The following INHBC variants were observed in gnomAD, a reference collection of about 807,000 sequenced individuals.
INHBC encodes inhibin beta C chain.
In INHBC, 10 loss-of-function variants were observed where a neutral mutation model predicts 12.4. The observed-to-expected ratio is 0.81, with a 90% CI of 0.50 to 1.37. The LOEUF (loss-of-function observed/expected upper bound fraction) is 1.37. INHBC is among the 40% of genes most tolerant of loss of function. The probability of loss-of-function intolerance (pLI) is 0.00; values close to 1 mark genes in which losing one functional copy is unlikely to be tolerated. For missense variants in INHBC, 382 were observed against 439.4 expected, an observed-to-expected ratio of 0.87 and a Z score of 1.17; for synonymous variants, 147 against 171.6, an observed-to-expected ratio of 0.86 and a Z score of 1.12.
intron 1 of INHBC, among the ~76,000 whole-genome samples, chr12:57,438,152 T>C (rs1392252541): frequency 6.6e-6 from 1 of 152,188 alleles, no homozygotes; most frequent in East Asian, 1.9e-4. Context: ...TGCTCAGCCA[T>C]TTATTAGCTG....
rs144823230 is a variant in INHBC, at chr12:57,447,466, T to C, written c.314-1811T>C. On this transcript the variant is annotated intron_variant, in intron 1 of 1. Transcript: ENST00000309668. ...TCCCAAAGTGCTGGGATTACAGACG[T>C]GAGCCACCACGCCTAGCTGATCATA... 3.5e-3 allele frequency among the ~76,000 whole-genome samples: 532 copies of C among 151,672 alleles called. 2 individuals carry two copies. Among genetic ancestry groups the C allele is most frequent in the Admixed American group, 8.5e-3 (129 of 15,234 alleles).
At chr12:57,448,792 T>C (rs1423948732) in intron 1 of INHBC, among the ~76,000 whole-genome samples, 1 of 152,146 alleles carries the variant, frequency 6.6e-6, no homozygotes, top group Non-Finnish European at 1.5e-5. Context: ...AAGGAAAGAA[T>C]TGTCAGCAGT....
rs35509259 is a variant in INHBC, at chr12:57,445,736, AT to A, written c.314-3520del. Among the ~76,000 whole-genome samples, 965 of 101,348 alleles carry A rather than the reference AT, an allele frequency of 9.5e-3. 8 individuals carry two copies. The highest frequency in any genetic ancestry group is 0.027 in the African/African-American group (754 of 27,580). 66.5% of individuals were successfully genotyped at this position (101,348 alleles called of 152,430 possible). ...AGACCCCCCGCCCATCTCCATGTAAATTTTTTTTTTTTTTTTTTTTTGGAGA... is the reference window on the plus strand; with the variant it reads ...AGACCCCCCGCCCATCTCCATGTAAATTTTTTTTTTTTTTTTTTTTGGAGA... On this transcript the variant is annotated intron_variant, in intron 1 of 1. Coordinates refer to ENST00000309668, the MANE Select transcript of INHBC (RefSeq NM_005538.4).
In INHBC at chr12:57,451,673, C is replaced by T. The variant is rs1055708597; in HGVS notation, c.*1651C>T. Among the ~76,000 whole-genome samples, 2 of 152,094 alleles carry T rather than the reference C, an allele frequency of 1.3e-5. No homozygotes were observed. Among genetic ancestry groups the T allele is most frequent in the Non-Finnish European group, 2.9e-5 (2 of 68,022 alleles). The stretch of plus-strand genomic sequence containing the variant: ...GGGTAAGAGGTCCCTGAAATAGGAA[C>T]CCTAGAGGAGAAAGTCTGAAAAGGA... On this transcript the variant is annotated 3_prime_UTR_variant, in exon 2 of 2. Transcript: ENST00000309668.
intron 1 of INHBC, among the ~76,000 whole-genome samples, chr12:57,445,027 G>A (rs1465675145): frequency 6.6e-6 from 1 of 152,132 alleles, no homozygotes; most frequent in Non-Finnish European, 1.5e-5. Flanking sequence ...AAGCCTCTCT[G>A]AGGAGGAGAC....
At chr12:57,443,372 A>C (rs1870509964) in intron 1 of INHBC, among the ~76,000 whole-genome samples, 7 of 144,886 alleles carry the variant, frequency 4.8e-5, no homozygotes, top group South Asian at 2.3e-4. Flanking sequence ...GCAACCTCCG[A>C]CTCCCAGGTT....
At chr12:57,447,599 T>C (rs1240846018) in intron 1 of INHBC, among the ~76,000 whole-genome samples, 2 of 150,016 alleles carry the variant, frequency 1.3e-5, no homozygotes, top group Non-Finnish European at 3.0e-5. Flanking sequence ...AAAAAAAATA[T>C]ATAGGCCAGG....
At position 57,450,726 on chromosome 12, in the gene INHBC, C is replaced by T. The variant is rs1321943899; in HGVS notation, c.*704C>T. 6.6e-6 allele frequency: 1 copy of T among 152,314 alleles called. No homozygotes were observed. The highest frequency in any genetic ancestry group is 1.5e-5 in the Non-Finnish European group (1 of 68,144). The allele number at this position is 152,314 out of a possible 1,614,324, so 9.4% of individuals were successfully genotyped here. A position where few individuals can be genotyped will look rare whatever the true frequency, so the allele number is the denominator to read the frequency against. On this transcript the variant is annotated 3_prime_UTR_variant, in exon 2 of 2. Transcript: ENST00000309668. ...AGGGCATTTCTTATCCCTGTTCCCT[C>T]TCTGTCTAGGTGTCATGGTTCTGTG...
rs1870718680 is a variant in INHBC, at chr12:57,451,850, C to A, written c.*1828C>A. 6.6e-6 allele frequency: 3 copies of A among 455,664 alleles called. No homozygotes were observed. Among genetic ancestry groups the A allele is most frequent in the Non-Finnish European group, 1.3e-5 (3 of 226,754 alleles). The allele number at this position is 455,664 out of a possible 1,614,324, so 28.2% of individuals were successfully genotyped here. A position where few individuals can be genotyped will look rare whatever the true frequency, so the allele number is the denominator to read the frequency against. ...CACATCCCCGACCCCCAGATCTAAC[C>A]TCCTTCCCAATTACAGCTTAGTCTC... On this transcript the variant is annotated 3_prime_UTR_variant, in exon 2 of 2. Transcript: ENST00000309668.
At chr12:57,444,066 G>C (rs957145096) in intron 1 of INHBC, among the ~76,000 whole-genome samples, 4 of 152,036 alleles carry the variant, frequency 2.6e-5, no homozygotes, top group Non-Finnish European at 4.4e-5. Flanking sequence ...CAAAGTGCAG[G>C]GATTACAGGT....
chr12:57,443,059 C>A (rs1870501128), intron 1 of INHBC, among the ~76,000 whole-genome samples: 1 of 151,412 alleles, frequency 6.6e-6, no homozygotes, highest in Non-Finnish European at 1.5e-5. Flanking sequence ...GAACTTCATA[C>A]CCCGCCTTTT....
In INHBC at chr12:57,450,095, G is replaced by A; in HGVS notation, c.*73G>A. ...CTACAGAAGTGCACTTCCTTGAGAG[G>A]AGGGAATGACCTCATTCTCTGTCCA... On this transcript the variant is annotated 3_prime_UTR_variant, in exon 2 of 2. Coordinates refer to ENST00000309668, the MANE Select transcript of INHBC (RefSeq NM_005538.4). 7.1e-7 allele frequency: 1 copy of A among 1,418,210 alleles called. No individual in the cohort carries two copies. Among genetic ancestry groups the A allele is most frequent in the Non-Finnish European group, 9.3e-7 (1 of 1,079,688 alleles). The allele number at this position is 1,418,210 out of a possible 1,614,324, so 87.9% of individuals were successfully genotyped here.
At chr12:57,442,245 A>G (rs1444570730) in intron 1 of INHBC, among the ~76,000 whole-genome samples, 3 of 152,210 alleles carry the variant, frequency 2.0e-5, no homozygotes, top group East Asian at 1.9e-4. Flanking sequence ...ATGCTTGCTA[A>G]TGTCTCACTG....
rs751677890 is a variant in INHBC at position 57,435,127 on chromosome 12, G to A, written c.241G>A (p.Gly81Arg). ...GAGGACTGCACTGCAGCACCTCCAC[G>A]GGGTCCCACAGGGGGCACTTCTAGA... The part of the protein sequence containing the change: ...ALRTALQHLH[G>R]VPQGALLEDN... The change falls in exon 1 of 2, where the codon GGG becomes AGG. Residue 81 changes from glycine to arginine, a missense_variant. Physicochemically the swap from Gly to Arg is moderately radical, Grantham distance 125. Coordinates refer to ENST00000309668, the MANE Select transcript of INHBC (RefSeq NM_005538.4). 1.2e-5 allele frequency: 19 copies of A among 1,613,998 alleles called. No individual in the cohort carries two copies. The highest frequency in any genetic ancestry group is 8.3e-5 in the Admixed American group (5 of 60,000).
chr12:57,446,037 C>A (rs1471262978), intron 1 of INHBC, among the ~76,000 whole-genome samples: 2 of 151,390 alleles, frequency 1.3e-5, no homozygotes, highest in African/African-American at 2.4e-5. Flanking sequence ...TGGGTTCAAG[C>A]AATTCTCCTG....
chr12:57,445,077 A>G (rs1870546698), intron 1 of INHBC, among the ~76,000 whole-genome samples: 1 of 152,240 alleles, frequency 6.6e-6, no homozygotes, highest in Non-Finnish European at 1.5e-5. Flanking sequence ...TCATTCAAAG[A>G]TCTTGGAAAG....
At chr12:57,438,655 T>A (rs1669300) in intron 1 of INHBC, among the ~76,000 whole-genome samples, 149,405 of 152,338 alleles carry the variant, frequency 0.98, 73,339 homozygotes, top group Middle Eastern at 1. Flanking sequence ...GCCTAGAATC[T>A]ATCACTGTGA....
chr12:57,441,525 CAA>C (rs574320537), intron 1 of INHBC, among the ~76,000 whole-genome samples: 10 of 55,068 alleles, frequency 1.8e-4, no homozygotes, highest in Admixed American at 4.1e-4. Context: ...AACTCCGTCT[CAA>C]AAAAAAAAAA....
At chr12:57,446,048 C>T (rs998872742) in intron 1 of INHBC, among the ~76,000 whole-genome samples, 1 of 152,024 alleles carries the variant, frequency 6.6e-6, no homozygotes, top group Non-Finnish European at 1.5e-5. Context: ...AATTCTCCTG[C>T]CTCAGCCTCC....
Sources: allele counts gnomAD v4.1 joint callset (sites outside exome capture counted in the v4.1 genomes callset), GRCh38; gene constraint gnomAD v4.1.1; transcripts MANE v1.5; gene names NCBI Gene and HGNC (gene_info 2026-07-23, HGNC 2026-07-21).